The following FRMD4A variants were observed in gnomAD, a reference collection of about 807,000 sequenced individuals.
The protein encoded by FRMD4A is FERM domain-containing protein 4A.
Under a neutral mutation model 129.1 loss-of-function variants are expected in FRMD4A, and 29 were observed. The ratio of observed to expected loss-of-function variants is 0.22; its 90% CI spans 0.17 to 0.31. The LOEUF is 0.31. Ranked by LOEUF, FRMD4A falls within the 10% of genes least tolerant of loss-of-function variation. The pLI, the probability that FRMD4A is intolerant of heterozygous loss-of-function variation, is 1.00. For missense variants in FRMD4A, 1,272 were observed against 1,375.8 expected (o/e 0.92, Z 1.19); for synonymous variants, 634 against 571.6 (o/e 1.11, Z -1.56).
At chr10:14,235,793 G>A (rs917073431) in intron 2 of FRMD4A, among the ~76,000 whole-genome samples, 1 of 152,170 alleles carries the variant, frequency 6.6e-6, no homozygotes, top group African/African-American at 2.4e-5. Flanking sequence ...TTGCCATCTG[G>A]CCAGGAAAGA....
intron 2 of FRMD4A, among the ~76,000 whole-genome samples, chr10:13,902,711 A>C (rs1489315846): frequency 1.3e-5 from 2 of 151,952 alleles, no homozygotes; most frequent in African/African-American, 4.8e-5. Context: ...GTGGTGGCAC[A>C]CACTTGTAAT....
At chr10:14,301,099 A>G (rs1049283624) in intron 2 of FRMD4A, among the ~76,000 whole-genome samples, 1 of 152,230 alleles carries the variant, frequency 6.6e-6, no homozygotes, top group African/African-American at 2.4e-5. Flanking sequence ...AGTAAAGATC[A>G]AGCGAGATTC....
chr10:13,929,946 T>C (rs2095174735), intron 2 of FRMD4A, among the ~76,000 whole-genome samples: 1 of 152,194 alleles, frequency 6.6e-6, no homozygotes, highest in Non-Finnish European at 1.5e-5. Flanking sequence ...ATGAAAATCA[T>C]ACAGCAAAGA....
At chr10:13,877,918 G>T (rs770744331) in intron 2 of FRMD4A, among the ~76,000 whole-genome samples, 1 of 152,148 alleles carries the variant, frequency 6.6e-6, no homozygotes, top group Non-Finnish European at 1.5e-5. Context: ...GGCATGGAAG[G>T]TCAGGCCTGA....
chr10:14,152,117 C>CTTTTTTTTTTTTTTTTTT (rs36023583), intron 2 of FRMD4A, among the ~76,000 whole-genome samples: 1 of 54,112 alleles, frequency 1.8e-5, no homozygotes, highest in Non-Finnish European at 3.4e-5. Flanking sequence ...TTGTGTAGTG[C>CTTTTTTTTTTTTTTTTTT]TTTTTTTTTT....
At position 13,700,498 on chromosome 10, in the gene FRMD4A, A is replaced by G. The variant is rs560457419; in HGVS notation, c.975+842T>C. Among the ~76,000 whole-genome samples the G allele has an allele frequency of 1.3e-4, 20 of 152,262 alleles. No homozygotes were observed. In the East Asian group the frequency reaches 3.3e-3, roughly 25 times the overall value. On this transcript the variant is annotated intron_variant, in intron 14 of 24. Coordinates refer to ENST00000357447, the MANE Select transcript of FRMD4A (RefSeq NM_018027.5). Reference sequence around the variant, plus strand: ...ACCACTAGCCCAGGGGCCCAGGGTGACCTCAGTCTGTATTCCCCCAGCCCA... The same window carrying G: ...ACCACTAGCCCAGGGGCCCAGGGTGGCCTCAGTCTGTATTCCCCCAGCCCA...
chr10:14,282,535 A>C (rs1016461733), intron 2 of FRMD4A, among the ~76,000 whole-genome samples: 1 of 152,148 alleles, frequency 6.6e-6, no homozygotes, highest in Non-Finnish European at 1.5e-5. Context: ...GAAACTAATA[A>C]ATTCTAATAC....
rs12412573 is a variant in FRMD4A at position 13,894,798 on chromosome 10, T to G, written c.46-35886A>C. Among the ~76,000 whole-genome samples the G allele has an allele frequency of 0.015, 2,302 of 152,314 alleles. 101 individuals are homozygous for G. The East Asian group carries it at 0.17, about 11-fold the overall frequency. On this transcript the variant is annotated intron_variant, in intron 2 of 24. Transcript: ENST00000357447. ...GGTACTTAATATATCACCATCCTGT[T>G]TATTTTTTTCTTAACACTTAGCCAC... is the stretch of plus-strand genomic sequence containing the variant.
At chr10:14,185,676 A>G (rs556954661) in intron 2 of FRMD4A, among the ~76,000 whole-genome samples, 3 of 152,190 alleles carry the variant, frequency 2.0e-5, no homozygotes, top group South Asian at 4.1e-4. Context: ...AGATGAGCAG[A>G]AGAGAGGATA....
intron 2 of FRMD4A, among the ~76,000 whole-genome samples, chr10:14,172,059 C>T (rs1469851070): frequency 6.6e-6 from 1 of 152,160 alleles, no homozygotes; most frequent in Non-Finnish European, 1.5e-5. Flanking sequence ...CTCCTCTTGC[C>T]CAGTCAGGTC....
At chr10:13,986,464 A>G (rs2095581599) in intron 2 of FRMD4A, among the ~76,000 whole-genome samples, 1 of 129,008 alleles carries the variant, frequency 7.8e-6, no homozygotes, top group Non-Finnish European at 1.6e-5. Flanking sequence ...ACATGGACAC[A>G]GGAAGGGGAA....
intron 2 of FRMD4A, chr10:14,326,537 T>C (rs1776673883): frequency 1.5e-5 from 4 of 261,852 alleles, no homozygotes; most frequent in African/African-American, 2.2e-5. Flanking sequence ...ACTTCATTTA[T>C]AGAAAAGCTT....
chr10:14,288,006 C>G (rs922917996), intron 2 of FRMD4A, among the ~76,000 whole-genome samples: 1 of 152,048 alleles, frequency 6.6e-6, no homozygotes, highest in African/African-American at 2.4e-5. Flanking sequence ...CCTTCATTTA[C>G]AGAGGAAATT....
chr10:14,203,737 A>G (rs1842704199), intron 2 of FRMD4A, among the ~76,000 whole-genome samples: 1 of 152,096 alleles, frequency 6.6e-6, no homozygotes, highest in Admixed American at 6.6e-5. Context: ...GTCTGCATCT[A>G]TTGGGAGGGG....
intron 2 of FRMD4A, among the ~76,000 whole-genome samples, chr10:14,218,897 G>C (rs1843157394): frequency 7.8e-6 from 1 of 127,466 alleles, no homozygotes; most frequent in Non-Finnish European, 1.6e-5. Context: ...AGAGGTTGCA[G>C]TGAGCCGAGA....
At chr10:13,762,770 G>C (rs1392134035) in intron 6 of FRMD4A, 90 bp from the exon 7 acceptor site, 1 of 785,774 alleles carries the variant, frequency 1.3e-6, no homozygotes, top group Non-Finnish European at 2.2e-6. Flanking sequence ...TCTTCGGGAG[G>C]ATTACTTGAG....
At chr10:13,896,871 G>A (rs926026774) in intron 2 of FRMD4A, among the ~76,000 whole-genome samples, 1 of 152,184 alleles carries the variant, frequency 6.6e-6, no homozygotes, top group African/African-American at 2.4e-5. Flanking sequence ...TCCCCGAAGA[G>A]CAGCCGATTC....
chr10:14,245,945 C>T (rs896696008), intron 2 of FRMD4A, among the ~76,000 whole-genome samples: 8 of 152,186 alleles, frequency 5.3e-5, no homozygotes, highest in South Asian at 2.1e-4. Context: ...GCCACTTAGC[C>T]GGCTGTGCCT....
At chr10:13,793,178 T>TTC (rs1389315504) in intron 5 of FRMD4A, among the ~76,000 whole-genome samples, 1 of 151,852 alleles carries the variant, frequency 6.6e-6, no homozygotes, top group East Asian at 1.9e-4. Flanking sequence ...GTTTCTTTTT[T>TTC]TTTTTTTTTG....
Sources: gnomAD v4.1 joint callset for allele counts (sites outside exome capture counted in the v4.1 genomes callset) on GRCh38, gnomAD v4.1.1 for gene constraint, MANE v1.5 for transcripts, NCBI Gene and HGNC (gene_info 2026-07-23, HGNC 2026-07-21) for gene names.